Variants in TTPAL observed in about 807,000 individuals in gnomAD.
TTPAL encodes the protein alpha-tocopherol transfer protein-like.
Under a neutral mutation model 28.7 loss-of-function variants are expected in TTPAL, and 21 were observed. The ratio of observed to expected loss-of-function variants is 0.73; its 90% CI spans 0.52 to 1.06. The LOEUF (loss-of-function observed/expected upper bound fraction) is 1.06, where lower values mean the gene tolerates loss of function less well. TTPAL is among the 50% of genes least tolerant of loss of function. The pLI is 0.00. For missense variants in TTPAL, 345 were observed against 425.5 expected (o/e 0.81, Z 1.67); for synonymous variants, 169 against 171.9 (o/e 0.98, Z 0.13).
chr20:44,489,541 G>C lies in TTPAL; in HGVS notation c.1029G>C (p.Ter343TyrextTer9), dbSNP rs2064185444. 1 of 1,611,482 alleles carries C rather than the reference G, an allele frequency of 6.2e-7. No homozygotes were observed. ...AVKSQLYSCY[*>Y] ...AGTCACAGCTGTACTCCTGCTACTA[G>C]CCCGTCCCCCAGGGTCACCATCTTT... Residue 343 changes from the stop codon to tyrosine, a stop_lost, in exon 5 of 5, where the codon TAG (stop) becomes TAC (tyrosine). Coordinates refer to ENST00000262605, the MANE Select transcript of TTPAL (RefSeq NM_001039199.3).
rs2064227961 is a variant in TTPAL, at chr20:44,493,617, G to T, written c.*4076G>T. 1 of 152,300 alleles carries T rather than the reference G, an allele frequency of 6.6e-6. No homozygotes were observed. The highest frequency in any genetic ancestry group is 6.5e-5 in the Admixed American group (1 of 15,284). The allele number at this position is 152,300 out of a possible 1,614,324, so 9.4% of individuals were successfully genotyped here. A position where few individuals can be genotyped will look rare whatever the true frequency, so the allele number is the denominator to read the frequency against. On this transcript the variant is annotated 3_prime_UTR_variant, in exon 5 of 5. Coordinates refer to ENST00000262605, the MANE Select transcript of TTPAL (RefSeq NM_001039199.3). The stretch of plus-strand genomic sequence containing the variant: ...AATTATATACTATATACTATACACT[G>T]TATCTCCTGTGGCCATGAGAGGTGT...
Position 44,491,994 on chromosome 20 carries a change from T to C in TTPAL, c.*2453T>C, listed in dbSNP as rs889712005. 2 of 152,322 alleles carry C rather than the reference T, an allele frequency of 1.3e-5. No homozygotes were observed. The highest frequency in any genetic ancestry group is 2.4e-5 in the African/African-American group (1 of 41,438). The allele number at this position is 152,322 out of a possible 1,614,324, so 9.4% of individuals were successfully genotyped here. A position where few individuals can be genotyped will look rare whatever the true frequency, so the allele number is the denominator to read the frequency against. ...AGGCCTATTTCTTAGGTTTTTCCAG[T>C]TGGACAAGGAAGGAGTGGTTTCACT... On this transcript the variant is annotated 3_prime_UTR_variant, in exon 5 of 5. Transcript: ENST00000262605.
chr20:44,492,873 C>T lies in TTPAL; in HGVS notation c.*3332C>T, dbSNP rs1568778623. 6.6e-6 allele frequency: 1 copy of T among 152,188 alleles called. No individual in the cohort carries two copies. Among genetic ancestry groups the T allele is most frequent in the Non-Finnish European group, 1.5e-5 (1 of 68,012 alleles). The allele number at this position is 152,188 out of a possible 1,614,324, so 9.4% of individuals were successfully genotyped here. On this transcript the variant is annotated 3_prime_UTR_variant, in exon 5 of 5. Transcript: ENST00000262605. ...GTCGCTTTATTTTTTAATTTTTTTCCTTGCATTTTCTTTTTTATTCTATTG... is the reference window on the plus strand; with the variant it reads ...GTCGCTTTATTTTTTAATTTTTTTCTTTGCATTTTCTTTTTTATTCTATTG...
intron 2 of TTPAL, among the ~76,000 whole-genome samples, chr20:44,482,488 G>A (rs570907926): frequency 1.3e-3 from 200 of 148,594 alleles, no homozygotes; most frequent in Non-Finnish European, 1.6e-3. Flanking sequence ...CAGGAGAATC[G>A]CTTGAACCCG....
chr20:44,485,069 C>T (rs1290990430), intron 3 of TTPAL, among the ~76,000 whole-genome samples: 8 of 152,114 alleles, frequency 5.3e-5, no homozygotes, highest in African/African-American at 1.9e-4. Context: ...GCTGAGATCG[C>T]GCCATTGCAC....
rs2064200130 is a variant in TTPAL at position 44,491,003 on chromosome 20, G to A, written c.*1462G>A. ...AGGCAGAAGAATCACGTGAACCCAG[G>A]AGGCAGAAGTGGCAGTGAGCCAAGA... On this transcript the variant is annotated 3_prime_UTR_variant, in exon 5 of 5. Transcript: ENST00000262605. 6.7e-6 allele frequency: 1 copy of A among 148,304 alleles called. No individual in the cohort carries two copies. The highest frequency in any genetic ancestry group is 2.1e-4 in the South Asian group (1 of 4,730). 9.2% of individuals were successfully genotyped at this position (148,304 alleles called of 1,614,324 possible).
intron 4 of TTPAL, 91 bp from the exon 5 acceptor site, chr20:44,489,172 C>T: frequency 1.4e-6 from 2 of 1,390,874 alleles, no homozygotes; most frequent in Non-Finnish European, 2.0e-6. Flanking sequence ...CTTCATTCAA[C>T]AGATATTTAT....
intron 2 of TTPAL, among the ~76,000 whole-genome samples, chr20:44,481,954 A>G (rs947719205): frequency 6.6e-6 from 1 of 152,186 alleles, no homozygotes; most frequent in Admixed American, 6.5e-5. Flanking sequence ...ACACAGTCAG[A>G]TATTACAACA....
At chr20:44,487,637 T>C (rs1258315757) in intron 4 of TTPAL, among the ~76,000 whole-genome samples, 1 of 152,216 alleles carries the variant, frequency 6.6e-6, no homozygotes, top group Non-Finnish European at 1.5e-5. Context: ...CACTTTGTCT[T>C]CCTTTCTGAC....
In TTPAL at chr20:44,482,024, CAT is replaced by C. The variant is rs2064109991; in HGVS notation, c.445+1583_445+1584del. On this transcript the variant is annotated intron_variant, in intron 2 of 4. Coordinates refer to ENST00000262605, the MANE Select transcript of TTPAL (RefSeq NM_001039199.3). ...TTGCTTGTGAGATGAATTTTTTCCC[CAT>C]ATGTCTGGAGCAGATCTGGACCCCT... Among the ~76,000 whole-genome samples, 4 of 152,130 alleles carry C rather than the reference CAT, an allele frequency of 2.6e-5. 1 individual carries two copies. In the South Asian group the frequency reaches 8.3e-4, roughly 32 times the overall value.
At chr20:44,485,794 G>A (rs187975706) in intron 3 of TTPAL, 2 of 152,240 alleles carry the variant, frequency 1.3e-5, no homozygotes, top group African/African-American at 4.8e-5. Flanking sequence ...AAGTAAGTTT[G>A]GGAAATGCTG....
intron 2 of TTPAL, among the ~76,000 whole-genome samples, chr20:44,483,973 G>C (rs1194054946): frequency 6.6e-6 from 1 of 152,114 alleles, no homozygotes; most frequent in Non-Finnish European, 1.5e-5. Flanking sequence ...TGTATATTTT[G>C]TAGACATGGG....
At position 44,489,715 on chromosome 20, in the gene TTPAL, T is replaced by G. The variant is rs2122948611; in HGVS notation, c.*174T>G. The G allele has an allele frequency of 1.5e-6, 1 of 648,860 alleles. No individual in the cohort carries two copies. The highest frequency in any genetic ancestry group is 2.6e-6 in the Non-Finnish European group (1 of 386,700). 40.2% of individuals were successfully genotyped at this position (648,860 alleles called of 1,614,324 possible). On this transcript the variant is annotated 3_prime_UTR_variant, in exon 5 of 5. Coordinates refer to ENST00000262605, the MANE Select transcript of TTPAL (RefSeq NM_001039199.3). ...TTTTGGGGTAAGCCTTTGGTTACTT[T>G]AATTACTCCATGGAAGACATGGAAA...
chr20:44,487,800 G>A (rs943135024), intron 4 of TTPAL, among the ~76,000 whole-genome samples: 2 of 152,062 alleles, frequency 1.3e-5, no homozygotes, highest in East Asian at 1.9e-4. Context: ...ACGGAGTCTC[G>A]CTCCGTCACC....
intron 4 of TTPAL, among the ~76,000 whole-genome samples, chr20:44,488,351 T>C (rs1349571742): frequency 6.6e-6 from 1 of 152,234 alleles, no homozygotes; most frequent in African/African-American, 2.4e-5. Flanking sequence ...TTTACATCTG[T>C]GAAATGCGCT....
chr20:44,482,610 A>G (rs1362155073), intron 2 of TTPAL, among the ~76,000 whole-genome samples: 1 of 151,702 alleles, frequency 6.6e-6, no homozygotes, highest in East Asian at 1.9e-4. Flanking sequence ...CACACATCAC[A>G]TATCCCATTG....
intron 2 of TTPAL, among the ~76,000 whole-genome samples, chr20:44,483,628 A>G (rs1236214778): frequency 1.3e-5 from 2 of 152,146 alleles, no homozygotes; most frequent in Admixed American, 6.5e-5. Context: ...TGCTATGAAG[A>G]TAAGGGGAAA....
intron 1 of TTPAL, among the ~76,000 whole-genome samples, chr20:44,478,076 G>A (rs1028125560): frequency 3.3e-5 from 5 of 152,178 alleles, no homozygotes; most frequent in South Asian, 4.1e-4. Context: ...CTATGATTGC[G>A]CCACTGCACT....
chr20:44,488,819 A>T (rs747440237), intron 4 of TTPAL, among the ~76,000 whole-genome samples: 2 of 152,154 alleles, frequency 1.3e-5, no homozygotes, highest in African/African-American at 2.4e-5. Context: ...TCAGAGAAGT[A>T]ATGAGGCTAG....
Sources: allele counts gnomAD v4.1 joint callset (sites outside exome capture counted in the v4.1 genomes callset), GRCh38; gene constraint gnomAD v4.1.1; transcripts MANE v1.5; gene names NCBI Gene and HGNC (gene_info 2026-07-23, HGNC 2026-07-21).